Variants in FHIP2B observed in about 807,000 individuals in gnomAD.
FHIP2B encodes the protein FHF complex subunit HOOK-interacting protein 2B.
A neutral mutation model predicts 84.0 loss-of-function variants in FHIP2B; 72 were observed. The ratio of observed to expected loss-of-function variants is 0.86; its 90% CI spans 0.71 to 1.04. The LOEUF (loss-of-function observed/expected upper bound fraction) is 1.04. FHIP2B is among the 50% of genes least tolerant of loss of function. FHIP2B has a pLI of 0.00. For missense variants in FHIP2B, 972 were observed against 968.9 expected (o/e 1.00, Z -0.04); for synonymous variants, 497 against 418.7 (o/e 1.19, Z -2.28).
At chr8:22,094,147 A>G (rs1179750513) in intron 1 of FHIP2B, among the ~76,000 whole-genome samples, 1 of 152,144 alleles carries the variant, frequency 6.6e-6, no homozygotes, top group Non-Finnish European at 1.5e-5. Flanking sequence ...CCCCAGCAAC[A>G]TTCTTAGCAC....
intron 6 of FHIP2B, 34 bp from the exon 7 acceptor site, chr8:22,098,389 T>C (rs1362957004): frequency 6.4e-7 from 1 of 1,555,546 alleles, no homozygotes; most frequent in Admixed American, 1.8e-5. Flanking sequence ...GGGGCTCACA[T>C]GCATGTCCCT....
rs369101347 is a variant in FHIP2B at position 22,098,643 on chromosome 8, C to T, written c.965+24C>T. 3.9e-4 allele frequency: 597 copies of T among 1,516,746 alleles called. 1 individual carries two copies. The highest frequency in any genetic ancestry group is 4.5e-4 in the Non-Finnish European group (503 of 1,125,306). 94.0% of individuals were successfully genotyped at this position (1,516,746 alleles called of 1,614,324 possible). ...AGGTGGGTGCCCAGCCCGGGAAGGCCGGCCAGCATCTTCAGTTGCTGGCAG... is the reference window on the plus strand; with the variant it reads ...AGGTGGGTGCCCAGCCCGGGAAGGCTGGCCAGCATCTTCAGTTGCTGGCAG... On this transcript the variant is annotated intron_variant, in intron 7 of 16. Coordinates refer to ENST00000289921, the MANE Select transcript of FHIP2B (RefSeq NM_022749.7).
intron 9 of FHIP2B, 40 bp downstream of exon 9, chr8:22,099,400 G>A (rs772523527): frequency 1.3e-6 from 2 of 1,599,210 alleles, no homozygotes; most frequent in Non-Finnish European, 1.7e-6. Context: ...GTGGTCTACA[G>A]TAAACCACCT....
At chr8:22,095,856 T>C (rs1467706806) in intron 2 of FHIP2B, 1 of 152,780 alleles carries the variant, frequency 6.5e-6, no homozygotes, top group Admixed American at 6.5e-5. Context: ...CAGATGTTTT[T>C]TTCTGCTTTG....
At position 22,103,509 on chromosome 8, in the gene FHIP2B, C is replaced by G. The variant is rs973763595; in HGVS notation, c.*578C>G. 1.3e-5 allele frequency: 2 copies of G among 152,462 alleles called. No homozygotes were observed. The highest frequency in any genetic ancestry group is 2.9e-5 in the Non-Finnish European group (2 of 68,220). 9.4% of individuals were successfully genotyped at this position (152,462 alleles called of 1,614,324 possible). ...CTCCCCTGGAAACTGTTGCAAAACT[C>G]CCAGCCGCCTCATGGCAAATGCCCA... On this transcript the variant is annotated 3_prime_UTR_variant, in exon 17 of 17. Coordinates refer to ENST00000289921, the MANE Select transcript of FHIP2B (RefSeq NM_022749.7).
At position 22,097,761 on chromosome 8, in the gene FHIP2B, A is replaced by G. The variant is rs1825858355; in HGVS notation, c.447A>G (p.Glu149=). ...GGACTGCTTCCGGATCCGTTACAGAAAAGGAGGAGGTGCAGTTCACCACCG... is the reference window on the plus strand; with the variant it reads ...GGACTGCTTCCGGATCCGTTACAGAGAAGGAGGAGGTGCAGTTCACCACCG... ...LGGTASGSVT[E]KEEVQFTTVL... is the part of the protein sequence containing the mutation. The change falls in exon 5 of 17, where the codon GAA becomes GAG. Residue 149 remains glutamate (E), a synonymous_variant. Coordinates refer to ENST00000289921, the MANE Select transcript of FHIP2B (RefSeq NM_022749.7). The G allele has an allele frequency of 6.2e-7, 1 of 1,613,342 alleles. No homozygotes were observed. The highest frequency in any genetic ancestry group is 8.5e-7 in the Non-Finnish European group (1 of 1,179,822).
In FHIP2B at chr8:22,091,755, A is replaced by G. The variant is rs549156629; in HGVS notation, c.45+2457A>G. Among the ~76,000 whole-genome samples the G allele has an allele frequency of 3.9e-5, 6 of 152,328 alleles. No individual in the cohort carries two copies. In the South Asian group the frequency reaches 1.2e-3, roughly 32 times the overall value. On this transcript the variant is annotated intron_variant, in intron 1 of 16. Coordinates refer to ENST00000289921, the MANE Select transcript of FHIP2B (RefSeq NM_022749.7). ...CAGCTCAAGGTTTTCAAAGACTATAAGCCAATTTTGAGGCTAAAGGAGACC... is the reference window on the plus strand; with the variant it reads ...CAGCTCAAGGTTTTCAAAGACTATAGGCCAATTTTGAGGCTAAAGGAGACC...
intron 1 of FHIP2B, among the ~76,000 whole-genome samples, chr8:22,092,610 G>T (rs1446332434): frequency 1.6e-5 from 2 of 122,148 alleles, no homozygotes; most frequent in Non-Finnish European, 3.4e-5. Context: ...AAAAAAAAAA[G>T]TTGTCATTGA....
rs1411418172 is a variant in FHIP2B at position 22,089,184 on chromosome 8, G to C, written c.-70G>C. ...GTCGCGCCGGGGCCGCCGGGGCCAC[G>C]GGGCTGCCTCCTCCGCCTAGAGCGC... On this transcript the variant is annotated 5_prime_UTR_variant, in exon 1 of 17. Coordinates refer to ENST00000289921, the MANE Select transcript of FHIP2B (RefSeq NM_022749.7). The C allele has an allele frequency of 3.0e-6, 3 of 986,394 alleles. No homozygotes were observed. Among genetic ancestry groups the C allele is most frequent in the Non-Finnish European group, 3.7e-6 (3 of 815,858 alleles). The allele number at this position is 986,394 out of a possible 1,614,324, so 61.1% of individuals were successfully genotyped here. A position where few individuals can be genotyped will look rare whatever the true frequency, so the allele number is the denominator to read the frequency against.
intron 1 of FHIP2B, among the ~76,000 whole-genome samples, 187 bp downstream of exon 1, chr8:22,089,485 A>G (rs561780305): frequency 1.9e-4 from 29 of 150,412 alleles, no homozygotes; most frequent in East Asian, 1.2e-3. Flanking sequence ...CGCTCTTCCC[A>G]GTCCCGCTCC....
At chr8:22,093,645 C>T (rs1476667213) in intron 1 of FHIP2B, among the ~76,000 whole-genome samples, 2 of 147,240 alleles carry the variant, frequency 1.4e-5, no homozygotes, top group African/African-American at 5.0e-5. Context: ...CTGAACAGAG[C>T]CTGTGGTGGT....
chr8:22,094,743 G>C, intron 2 of FHIP2B: 6 of 1,340,692 alleles, frequency 4.5e-6, no homozygotes, highest in Non-Finnish European at 4.8e-6. Flanking sequence ...CTTTTGGAAA[G>C]AGGCTGTGTG....
chr8:22,097,633 G>C lies in FHIP2B; in HGVS notation c.402+13G>C. On this transcript the variant is annotated intron_variant, in intron 4 of 16. Coordinates refer to ENST00000289921, the MANE Select transcript of FHIP2B (RefSeq NM_022749.7). ...CAGGCCTGTGCAGGTGAGGGGCCCG[G>C]AAGCCAAGGGGTGTCTGGGTGTGAG... 1 of 1,603,880 alleles carries C rather than the reference G, an allele frequency of 6.2e-7. No homozygotes were observed. Among genetic ancestry groups the C allele is most frequent in the African/African-American group, 1.3e-5 (1 of 74,784 alleles).
intron 2 of FHIP2B, 81 bp downstream of exon 2, chr8:22,094,599 T>A (rs751118084): frequency 2.9e-5 from 46 of 1,589,752 alleles, no homozygotes; most frequent in Non-Finnish European, 3.6e-5. Context: ...CATTCAGGTG[T>A]CCTGGGAAAG....
In FHIP2B at chr8:22,094,726, C is replaced by T. The variant is rs1029060551; in HGVS notation, c.124+208C>T. ...CCTGATGATTTAGCTGCCGGTCCCA[C>T]TCTGACCTTTTGGAAAGAGGCTGTG... is the stretch of plus-strand genomic sequence containing the variant. On this transcript the variant is annotated intron_variant, in intron 2 of 16. Coordinates refer to ENST00000289921, the MANE Select transcript of FHIP2B (RefSeq NM_022749.7). 1.5e-5 allele frequency: 20 copies of T among 1,371,658 alleles called. No individual in the cohort carries two copies. In the Admixed American group the frequency reaches 6.5e-4, roughly 45 times the overall value. 85.0% of individuals were successfully genotyped at this position (1,371,658 alleles called of 1,614,324 possible). A position where few individuals can be genotyped will look rare whatever the true frequency, so the allele number is the denominator to read the frequency against.
rs760887486 is a variant in FHIP2B at position 22,102,225 on chromosome 8, C to T, written c.1902C>T (p.Leu634=). Residue 634 remains leucine (L), a synonymous_variant, in exon 15 of 17, where the codon CTC becomes CTT. Transcript: ENST00000289921. ...QVTSVLSRLA[L]FPHPHIHEYL... Reference sequence around the variant, plus strand: ...CCTCGGTCCTGTCCCGGCTTGCCCTCTTCCCCCACCCCCATATTCATGAGT... The same window carrying T: ...CCTCGGTCCTGTCCCGGCTTGCCCTTTTCCCCCACCCCCATATTCATGAGT... 30 of 1,613,376 alleles carry T rather than the reference C, an allele frequency of 1.9e-5. 1 individual carries two copies. The South Asian group carries it at 3.2e-4, about 17-fold the overall frequency.
chr8:22,100,948 C>G lies in FHIP2B; in HGVS notation c.1592C>G (p.Thr531Arg), dbSNP rs769973334. Residue 531 changes from threonine to arginine, a missense_variant, in exon 12 of 17, where the codon ACA (threonine) becomes AGA (arginine). By Grantham distance (71) the Thr-to-Arg change is moderately conservative (BLOSUM62 -1). Transcript: ENST00000289921. Reference sequence around the variant, plus strand: ...CCTGCTACCAGTTACGATGGCAAAACAGCAGTGACCGAGATCGTCAACAGG... The same window carrying G: ...CCTGCTACCAGTTACGATGGCAAAAGAGCAGTGACCGAGATCGTCAACAGG... The part of the protein sequence containing the change: ...LAPATSYDGK[T>R]AVTEIVNSFL... 4.1e-5 allele frequency: 66 copies of G among 1,613,802 alleles called. No homozygotes were observed. Among genetic ancestry groups the G allele is most frequent in the Admixed American group, 1.7e-4 (10 of 59,998 alleles).
chr8:22,099,655 T>C (rs1222245948), intron 9 of FHIP2B, 49 bp from the exon 10 acceptor site: 5 of 1,520,592 alleles, frequency 3.3e-6, no homozygotes, highest in African/African-American at 1.4e-5. Flanking sequence ...CCCGCACTCA[T>C]GTGCTGTCTG....
rs773959274 is a variant in FHIP2B, at chr8:22,099,831, G to A, written c.1279G>A (p.Gly427Arg). 1.1e-5 allele frequency: 17 copies of A among 1,612,786 alleles called. No homozygotes were observed. The highest frequency in any genetic ancestry group is 6.6e-5 in the South Asian group (6 of 90,948). Reference protein sequence around the residue: ...LGTDRQPEAPGDNPHTLYAHL... With the variant: ...LGTDRQPEAPRDNPHTLYAHL... ...CACAGACCGGCAGCCTGAAGCCCCC[G>A]GGGACAACCCCCACACCCTGTATGC... Residue 427 changes from glycine to arginine, a missense_variant, in exon 10 of 17, where the codon GGG becomes AGG. Coordinates refer to ENST00000289921, the MANE Select transcript of FHIP2B (RefSeq NM_022749.7).
Sources: gnomAD v4.1 joint callset for allele counts (sites outside exome capture counted in the v4.1 genomes callset) on GRCh38, gnomAD v4.1.1 for gene constraint, MANE v1.5 for transcripts, NCBI Gene and HGNC (gene_info 2026-07-23, HGNC 2026-07-21) for gene names.